The following OSBPL8 variants were observed in gnomAD, a reference collection of about 807,000 sequenced individuals.
The protein encoded by OSBPL8 is oxysterol binding protein like 8.
In OSBPL8, 59 loss-of-function variants were observed where a neutral mutation model predicts 125.5. The ratio of observed to expected loss-of-function variants is 0.47; its 90% CI spans 0.38 to 0.58. The LOEUF is 0.58. Among genes scored for constraint, OSBPL8 ranks in the 20% least tolerant of loss-of-function variants. The probability of loss-of-function intolerance (pLI) is 0.00; values close to 1 mark genes in which losing one functional copy is unlikely to be tolerated. For missense variants in OSBPL8, 758 were observed against 1,047.8 expected (o/e 0.72, Z 3.82); for synonymous variants, 330 against 338.9 (o/e 0.97, Z 0.29).
At chr12:76,522,162 T>A (rs758662199) in intron 1 of OSBPL8, among the ~76,000 whole-genome samples, 2 of 152,190 alleles carry the variant, frequency 1.3e-5, no homozygotes, top group Non-Finnish European at 2.9e-5. Context: ...AATGCTCTCA[T>A]CTCATTTGTG....
intron 21 of OSBPL8, among the ~76,000 whole-genome samples, chr12:76,366,947 G>A (rs999674335): frequency 4.6e-5 from 7 of 152,060 alleles, no homozygotes; most frequent in African/African-American, 1.4e-4. Flanking sequence ...ACTGAGACAC[G>A]TCATATGGCA....
chr12:76,497,836 T>C (rs1879437121), intron 1 of OSBPL8, among the ~76,000 whole-genome samples: 1 of 152,206 alleles, frequency 6.6e-6, no homozygotes, highest in East Asian at 1.9e-4. Flanking sequence ...AACACTTCTC[T>C]CCATAACTTG....
At chr12:76,457,584 G>C (rs1455997554) in intron 3 of OSBPL8, among the ~76,000 whole-genome samples, 1 of 151,968 alleles carries the variant, frequency 6.6e-6, no homozygotes, top group African/African-American at 2.4e-5. Context: ...AAGTTGTCTT[G>C]TTCAAGGGTC....
chr12:76,515,126 C>T (rs939749647), intron 1 of OSBPL8, among the ~76,000 whole-genome samples: 11 of 152,182 alleles, frequency 7.2e-5, no homozygotes, highest in Non-Finnish European at 1.5e-4. Flanking sequence ...TTCCTATCCA[C>T]GTTCTGAATT....
chr12:76,371,496 A>G lies in OSBPL8; in HGVS notation c.2006T>C (p.Ile669Thr). Reference sequence around the variant, plus strand: ...TTCTTCAAATTTTACAGTGTGCCTTATTAATCTCCATTGCTTAATGTCAGG... The same window carrying G: ...TTCTTCAAATTTTACAGTGTGCCTTGTTAATCTCCATTGCTTAATGTCAGG... ...PTPDIKQWRL[I>T]RHTVKFEEQG... Residue 669 changes from isoleucine to threonine, a missense_variant, in exon 19 of 24, where the codon ATA becomes ACA. Physicochemically the swap from Ile to Thr is moderately conservative, Grantham distance 89. Around this residue, in one of 3 missense-constraint regions of OSBPL8, gnomAD observed 572 missense variants for 762.0 expected, o/e 0.75. Coordinates refer to ENST00000261183, the MANE Select transcript of OSBPL8 (RefSeq NM_020841.5). 3 of 1,610,434 alleles carry G rather than the reference A, an allele frequency of 1.9e-6. No individual in the cohort carries two copies. The highest frequency in any genetic ancestry group is 2.5e-6 in the Non-Finnish European group (3 of 1,178,106).
chr12:76,390,873 GA>G (rs1953530509), intron 10 of OSBPL8, among the ~76,000 whole-genome samples: 2 of 152,272 alleles, frequency 1.3e-5, no homozygotes, highest in African/African-American at 4.8e-5. Context: ...CAGAGGCATA[GA>G]AAAATTAAAA....
At chr12:76,520,687 T>C (rs1015049834) in intron 1 of OSBPL8, among the ~76,000 whole-genome samples, 2 of 152,018 alleles carry the variant, frequency 1.3e-5, no homozygotes, top group African/African-American at 4.8e-5. Context: ...CACTACACAT[T>C]GCATAGTAAA....
intron 17 of OSBPL8, among the ~76,000 whole-genome samples, chr12:76,374,310 T>C (rs114983895): frequency 6.6e-6 from 1 of 152,266 alleles, no homozygotes; most frequent in African/African-American, 2.4e-5. Context: ...TGACAATACG[T>C]ACCCTCTCCC....
chr12:76,402,097 A>T (rs1489430818), intron 6 of OSBPL8, among the ~76,000 whole-genome samples: 1 of 152,196 alleles, frequency 6.6e-6, no homozygotes, highest in Non-Finnish European at 1.5e-5. Context: ...TTAATATGGG[A>T]TGCAAATACA....
intron 1 of OSBPL8, among the ~76,000 whole-genome samples, chr12:76,536,494 C>G (rs1989504690): frequency 6.6e-6 from 1 of 152,076 alleles, no homozygotes; most frequent in East Asian, 1.9e-4. Flanking sequence ...TATCACTGTA[C>G]TACTTAACAC....
chr12:76,511,009 G>C (rs552298435), intron 1 of OSBPL8, among the ~76,000 whole-genome samples: 3 of 152,242 alleles, frequency 2.0e-5, no homozygotes, highest in African/African-American at 7.2e-5. Context: ...AGAAAATGAA[G>C]TAAACTGATT....
chr12:76,364,160 G>A (rs528179836), intron 21 of OSBPL8, among the ~76,000 whole-genome samples: 4 of 152,204 alleles, frequency 2.6e-5, no homozygotes, highest in East Asian at 1.9e-4. Flanking sequence ...GGTATATACC[G>A]AAGGATTATA....
Position 76,459,988 on chromosome 12 carries a change from G to C in OSBPL8, c.43-93C>G. The C allele has an allele frequency of 5.7e-6, 7 of 1,218,846 alleles. No individual in the cohort carries two copies. In the South Asian group the frequency reaches 7.3e-5, roughly 13 times the overall value. The allele number at this position is 1,218,846 out of a possible 1,614,324, so 75.5% of individuals were successfully genotyped here. On this transcript the variant is annotated intron_variant, in intron 2 of 23. Transcript: ENST00000261183. ...GGACGGAAACAGCAGTGAAACAAAAGGACAAGGAAAATAGCATTAGTTTAT... is the reference window on the plus strand; with the variant it reads ...GGACGGAAACAGCAGTGAAACAAAACGACAAGGAAAATAGCATTAGTTTAT...
chr12:76,505,093 C>T (rs1880282482), intron 1 of OSBPL8, among the ~76,000 whole-genome samples: 1 of 152,150 alleles, frequency 6.6e-6, no homozygotes, highest in Non-Finnish European at 1.5e-5. Context: ...GATCTGAGTA[C>T]TAATACAACT....
At chr12:76,407,247 T>C (rs1213368336) in intron 5 of OSBPL8, among the ~76,000 whole-genome samples, 1 of 152,204 alleles carries the variant, frequency 6.6e-6, no homozygotes, top group Non-Finnish European at 1.5e-5. Context: ...CATGCTCATA[T>C]ATATACACAA....
intron 1 of OSBPL8, among the ~76,000 whole-genome samples, chr12:76,551,233 G>C (rs1218127018): frequency 6.6e-6 from 1 of 152,122 alleles, no homozygotes; most frequent in African/African-American, 2.4e-5. Context: ...CTTTAATTAA[G>C]GATAATAGTT....
At chr12:76,416,724 T>A (rs1868721454) in intron 4 of OSBPL8, among the ~76,000 whole-genome samples, 1 of 152,090 alleles carries the variant, frequency 6.6e-6, no homozygotes, top group African/African-American at 2.4e-5. Flanking sequence ...GATATGTCAC[T>A]TGTAACAGCA....
chr12:76,486,728 T>C (rs1466446797), intron 2 of OSBPL8, among the ~76,000 whole-genome samples: 2 of 152,226 alleles, frequency 1.3e-5, no homozygotes, highest in African/African-American at 4.8e-5. Flanking sequence ...ATTAAATCTT[T>C]ATATTTTTAT....
intron 1 of OSBPL8, among the ~76,000 whole-genome samples, chr12:76,552,255 T>C (rs1394063445): frequency 6.6e-6 from 1 of 151,374 alleles, no homozygotes; most frequent in Admixed American, 6.6e-5. Context: ...TGAAACCCCA[T>C]CTCTACCAAA....
Sources: gnomAD v4.1 joint callset for allele counts (sites outside exome capture counted in the v4.1 genomes callset) on GRCh38, gnomAD v4.1.1 for gene constraint, gnomAD v4.1.1 regional missense constraint, MANE v1.5 for transcripts, NCBI Gene and HGNC (gene_info 2026-07-23, HGNC 2026-07-21) for gene names.